The following ELK3 variants were observed in gnomAD, a reference collection of about 807,000 sequenced individuals.
ELK3 encodes ETS domain-containing protein Elk-3.
Under a neutral mutation model 28.9 loss-of-function variants are expected in ELK3, and 10 were observed. The observed-to-expected ratio is 0.35, with a 90% CI of 0.21 to 0.59. The LOEUF is 0.59. ELK3 is among the 20% of genes least tolerant of loss of function. ELK3 has a pLI of 0.82. For missense variants in ELK3, 463 were observed against 517.3 expected (o/e 0.90, Z 1.02); for synonymous variants, 272 against 243.5 (o/e 1.12, Z -1.09).
At chr12:96,217,743 T>C (rs1951628966) in intron 1 of ELK3, among the ~76,000 whole-genome samples, 1 of 151,932 alleles carries the variant, frequency 6.6e-6, no homozygotes, top group South Asian at 2.1e-4. Context: ...CGAGACCATC[T>C]TGGCCAACAT....
intron 1 of ELK3, among the ~76,000 whole-genome samples, chr12:96,206,516 C>G (rs980879902): frequency 1.3e-5 from 2 of 152,086 alleles, no homozygotes; most frequent in Non-Finnish European, 2.9e-5. Context: ...GTTGGCCAGG[C>G]TGGTCTTGAA....
intron 4 of ELK3, among the ~76,000 whole-genome samples, chr12:96,261,013 T>C (rs535887048): frequency 3.3e-4 from 50 of 152,306 alleles, no homozygotes; most frequent in African/African-American, 9.9e-4. Flanking sequence ...TCAGTAATAA[T>C]TGACTGTCTA....
At chr12:96,246,664 A>AATCATCATC (rs1376158978) in intron 2 of ELK3, among the ~76,000 whole-genome samples, 1 of 152,108 alleles carries the variant, frequency 6.6e-6, no homozygotes, top group Admixed American at 6.6e-5. Flanking sequence ...CTGTCTAAGA[A>AATCATCATC]ATCATCATCA....
chr12:96,224,397 C>T (rs1951685571), intron 2 of ELK3, among the ~76,000 whole-genome samples: 2 of 146,222 alleles, frequency 1.4e-5, no homozygotes, highest in Non-Finnish European at 3.0e-5. Context: ...ACTTAGAACA[C>T]TGCTAATAGG....
intron 1 of ELK3, among the ~76,000 whole-genome samples, chr12:96,210,431 C>T (rs1328640091): frequency 6.6e-6 from 1 of 152,206 alleles, no homozygotes; most frequent in Non-Finnish European, 1.5e-5. Context: ...TCCCTATTCA[C>T]ACTTGAAGTG....
In ELK3 at chr12:96,223,868, C is replaced by G. The variant is rs1565781991; in HGVS notation, c.207+95C>G. 16 of 1,295,424 alleles carry G rather than the reference C, an allele frequency of 1.2e-5. No individual in the cohort carries two copies. In the East Asian group the frequency reaches 3.9e-4, roughly 32 times the overall value. 80.2% of individuals were successfully genotyped at this position (1,295,424 alleles called of 1,614,324 possible). A position where few individuals can be genotyped will look rare whatever the true frequency, so the allele number is the denominator to read the frequency against. On this transcript the variant is annotated intron_variant, in intron 2 of 4. Coordinates refer to ENST00000228741, the MANE Select transcript of ELK3 (RefSeq NM_005230.4). ...AAGAAAATAATAGCGTGCTATGAAT[C>G]AAGTTAGAAAATAAAATAGGGGCAG...
At chr12:96,238,181 T>A (rs950611777) in intron 2 of ELK3, among the ~76,000 whole-genome samples, 1 of 152,210 alleles carries the variant, frequency 6.6e-6, no homozygotes, top group Non-Finnish European at 1.5e-5. Context: ...TAATGAGCAG[T>A]GTGTACGATT....
intron 1 of ELK3, among the ~76,000 whole-genome samples, chr12:96,216,053 G>T (rs1271363989): frequency 6.6e-6 from 1 of 152,154 alleles, no homozygotes; most frequent in Non-Finnish European, 1.5e-5. Context: ...GAGGTCAAGC[G>T]TTTTACTCTC....
chr12:96,226,563 C>A (rs1309487994), intron 2 of ELK3, among the ~76,000 whole-genome samples: 2 of 149,160 alleles, frequency 1.3e-5, no homozygotes, highest in Non-Finnish European at 3.0e-5. Flanking sequence ...TGTGCACACC[C>A]ATGCCCACAT....
intron 2 of ELK3, among the ~76,000 whole-genome samples, chr12:96,241,057 G>A (rs1951817433): frequency 1.3e-5 from 2 of 152,142 alleles, no homozygotes; most frequent in Admixed American, 1.3e-4. Flanking sequence ...ATCTGCCTGG[G>A]AGTTTTCAGT....
At chr12:96,223,806 G>A in intron 2 of ELK3, 33 bp downstream of exon 2, 1 of 1,607,804 alleles carries the variant, frequency 6.2e-7, no homozygotes, top group African/African-American at 1.3e-5. Flanking sequence ...GGCCGTCTTG[G>A]GGAGGGTGGA....
At chr12:96,241,386 TAC>T (rs773864948) in intron 2 of ELK3, among the ~76,000 whole-genome samples, 3 of 152,082 alleles carry the variant, frequency 2.0e-5, no homozygotes, top group East Asian at 1.9e-4. Flanking sequence ...TGAGATTATT[TAC>T]ACAGACTCCT....
intron 2 of ELK3, among the ~76,000 whole-genome samples, chr12:96,227,760 C>T (rs1286457194): frequency 6.6e-6 from 1 of 152,198 alleles, no homozygotes; most frequent in Non-Finnish European, 1.5e-5. Flanking sequence ...CAGCCTAGAT[C>T]GTCTGGGTTT....
chr12:96,267,723 T>TTTCA lies in ELK3; in HGVS notation c.*544_*547dup, dbSNP rs1176031302. On this transcript the variant is annotated 3_prime_UTR_variant, in exon 5 of 5. Transcript: ENST00000228741. Reference sequence around the variant, plus strand: ...AAGCATATATCACGTTTTGTTTTACTTTCAATTGTATAAGAATTGCCTTAG... The same window carrying TTTCA: ...AAGCATATATCACGTTTTGTTTTACTTTCATTCAATTGTATAAGAATTGCCTTAG... The TTTCA allele has an allele frequency of 1.4e-4, 22 of 152,838 alleles. No individual in the cohort carries two copies. Among genetic ancestry groups the TTTCA allele is most frequent in the African/African-American group, 5.3e-4 (22 of 41,594 alleles). The allele number at this position is 152,838 out of a possible 1,614,324, so 9.5% of individuals were successfully genotyped here.
chr12:96,237,361 G>C (rs369291552), intron 2 of ELK3, among the ~76,000 whole-genome samples: 85 of 152,314 alleles, frequency 5.6e-4, no homozygotes, highest in African/African-American at 2.0e-3. Context: ...GTTTGAGCCC[G>C]TGAGTCCAGG....
intron 3 of ELK3, among the ~76,000 whole-genome samples, chr12:96,257,140 G>C (rs1436325940): frequency 6.6e-6 from 1 of 152,170 alleles, no homozygotes; most frequent in Non-Finnish European, 1.5e-5. Context: ...TGGCCCTCAG[G>C]CTCAGCCCAC....
At chr12:96,228,478 C>G (rs1175968762) in intron 2 of ELK3, among the ~76,000 whole-genome samples, 1 of 149,110 alleles carries the variant, frequency 6.7e-6, no homozygotes, top group Non-Finnish European at 1.5e-5. Context: ...CGTTGCTGCT[C>G]AGGCACATGG....
At chr12:96,215,836 C>G (rs1051901012) in intron 1 of ELK3, among the ~76,000 whole-genome samples, 1 of 151,930 alleles carries the variant, frequency 6.6e-6, no homozygotes, top group African/African-American at 2.4e-5. Context: ...GGGTCTTACT[C>G]TTGCCCAGGC....
chr12:96,204,123 A>G (rs1951524653), intron 1 of ELK3, among the ~76,000 whole-genome samples: 1 of 152,210 alleles, frequency 6.6e-6, no homozygotes, highest in African/African-American at 2.4e-5. Context: ...GGTTAACAGT[A>G]AAGTTATTCG....
Sources: allele counts gnomAD v4.1 joint callset (sites outside exome capture counted in the v4.1 genomes callset), GRCh38; gene constraint gnomAD v4.1.1; transcripts MANE v1.5; gene names NCBI Gene and HGNC (gene_info 2026-07-23, HGNC 2026-07-21).